Variants in NOX4 observed in about 807,000 individuals in gnomAD.
The protein encoded by NOX4 is kidney oxidase-1.
A neutral mutation model predicts 87.6 loss-of-function variants in NOX4; 69 were observed. The observed-to-expected ratio is 0.79, with a 90% CI of 0.65 to 0.96. NOX4 has a LOEUF of 0.96. Ranked by LOEUF, NOX4 falls within the 40% of genes least tolerant of loss-of-function variation. The probability of loss-of-function intolerance (pLI) is 0.00; values close to 1 mark genes in which losing one functional copy is unlikely to be tolerated. For synonymous variants in NOX4, 275 were observed against 238.2 expected (o/e 1.15, Z -1.42); for missense variants, 680 against 681.5 (o/e 1.00, Z 0.02).
At chr11:89,500,821 A>G (rs141842266), upstream of NOX4, among the ~76,000 whole-genome samples, 1 of 152,258 alleles carries the variant, frequency 6.6e-6, no homozygotes, top group East Asian at 1.9e-4. Context: ...GTTATGAGAA[A>G]TAAACTGCTT....
intron 1 of NOX4, among the ~76,000 whole-genome samples, chr11:89,497,304 A>G (rs1946967429): frequency 6.6e-6 from 1 of 152,196 alleles, no homozygotes; most frequent in African/African-American, 2.4e-5. Flanking sequence ...AAAGTTTTAA[A>G]CAGAAGTGTC....
At chr11:89,493,109 GGGCGC>G (rs1377853055), upstream of NOX4, among the ~76,000 whole-genome samples, 1 of 152,166 alleles carries the variant, frequency 6.6e-6, no homozygotes, top group East Asian at 1.9e-4. Context: ...ACGGACTGCC[GGGCGC>G]GGTGGCTCAC....
intron 8 of NOX4, among the ~76,000 whole-genome samples, chr11:89,407,825 GC>G (rs142060323): frequency 0.092 from 13,988 of 151,968 alleles, 784 homozygotes; most frequent in South Asian, 0.2. Context: ...AAAGGACAAT[GC>G]CAGAATCATC....
the NOX4 span, among the ~76,000 whole-genome samples, chr11:89,542,135 G>T: frequency 6.6e-6 from 1 of 152,116 alleles, no homozygotes. Flanking sequence ...ACACCTCATG[G>T]TTGCTCTTCA....
rs1945194099 is a variant in NOX4 at position 89,325,741 on chromosome 11, C to T, written c.*1015G>A. ...ATCTTATATTCAGTCCCTACTGACA[C>T]ACATGATGTCCTTTGGTCTCAAAGT... is the stretch of plus-strand genomic sequence containing the variant. On this transcript the variant is annotated 3_prime_UTR_variant, in exon 18 of 18. Coordinates refer to ENST00000263317, the MANE Select transcript of NOX4 (RefSeq NM_016931.5). The T allele has an allele frequency of 6.6e-6, 1 of 151,954 alleles. No individual in the cohort carries two copies. Among genetic ancestry groups the T allele is most frequent in the Non-Finnish European group, 1.5e-5 (1 of 67,986 alleles). 9.4% of individuals were successfully genotyped at this position (151,954 alleles called of 1,614,324 possible). A position where few individuals can be genotyped will look rare whatever the true frequency, so the allele number is the denominator to read the frequency against.
chr11:89,467,001 A>G (rs1945723343), intron 2 of NOX4, among the ~76,000 whole-genome samples: 1 of 152,166 alleles, frequency 6.6e-6, no homozygotes, highest in African/African-American at 2.4e-5. Context: ...ATGGAACATA[A>G]AGCTGGAGAA....
intron 12 of NOX4, among the ~76,000 whole-genome samples, chr11:89,363,271 T>G (rs1174185164): frequency 6.6e-6 from 1 of 152,088 alleles, no homozygotes; most frequent in Non-Finnish European, 1.5e-5. Flanking sequence ...ATTTTTGCTC[T>G]GTTACATATA....
chr11:89,578,821 GA>G, the NOX4 span, among the ~76,000 whole-genome samples: 1 of 152,112 alleles, frequency 6.6e-6, no homozygotes, highest in Non-Finnish European at 1.5e-5. Context: ...GTATTTCTTT[GA>G]AAAACTATGC....
chr11:89,405,139 A>C (rs1942099332), intron 8 of NOX4, among the ~76,000 whole-genome samples: 1 of 121,472 alleles, frequency 8.2e-6, no homozygotes, highest in African/African-American at 3.1e-5. Flanking sequence ...CTTATAATTT[A>C]GGGTCTTAAT....
the NOX4 span, among the ~76,000 whole-genome samples, chr11:89,558,417 G>A: frequency 6.6e-6 from 1 of 151,684 alleles, no homozygotes; most frequent in Non-Finnish European, 1.5e-5. Context: ...TTACCATTTG[G>A]CCATGCTTGA....
chr11:89,396,224 C>T (rs180776910), intron 11 of NOX4, among the ~76,000 whole-genome samples: 3 of 152,148 alleles, frequency 2.0e-5, no homozygotes, highest in Admixed American at 2.0e-4. Flanking sequence ...CTTCAGATCC[C>T]TTGTAAGTTG....
chr11:89,563,828 AAT>A, the NOX4 span, among the ~76,000 whole-genome samples: 1 of 152,190 alleles, frequency 6.6e-6, no homozygotes, highest in Non-Finnish European at 1.5e-5. Flanking sequence ...TTTTATTTCT[AAT>A]ATTAAACTTT....
the NOX4 span, among the ~76,000 whole-genome samples, chr11:89,544,237 C>T: frequency 6.6e-6 from 1 of 151,956 alleles, no homozygotes; most frequent in Non-Finnish European, 1.5e-5. Context: ...ATGTTTTTTT[C>T]CTCCAAGAGG....
the NOX4 span, among the ~76,000 whole-genome samples, chr11:89,558,803 T>C: frequency 6.6e-6 from 1 of 152,120 alleles, no homozygotes; most frequent in Non-Finnish European, 1.5e-5. Context: ...TACTACATTC[T>C]AGGAACCTCT....
chr11:89,566,043 CTTTTTTTT>C, the NOX4 span, among the ~76,000 whole-genome samples: 3 of 122,862 alleles, frequency 2.4e-5, no homozygotes, highest in African/African-American at 6.5e-5. Context: ...TTCTTTTTTT[CTTTTTTTT>C]TTTTTTTTTG....
intron 17 of NOX4, among the ~76,000 whole-genome samples, chr11:89,333,755 T>C (rs1945578322): frequency 6.6e-6 from 1 of 151,764 alleles, no homozygotes; most frequent in Admixed American, 6.6e-5. Flanking sequence ...CTTTGTCCAG[T>C]TAATGAGACC....
At chr11:89,457,946 T>C (rs899464587) in intron 2 of NOX4, among the ~76,000 whole-genome samples, 3 of 152,094 alleles carry the variant, frequency 2.0e-5, no homozygotes, top group Admixed American at 6.6e-5. Context: ...TGTTCATAAA[T>C]GGGAAGAATC....
At chr11:89,465,189 G>A (rs1268702816) in intron 2 of NOX4, among the ~76,000 whole-genome samples, 1 of 151,932 alleles carries the variant, frequency 6.6e-6, no homozygotes, top group Non-Finnish European at 1.5e-5. Context: ...CTATGTCCAT[G>A]TGTTCTCATT....
At position 89,402,532 on chromosome 11, in the gene NOX4, T is replaced by G; in HGVS notation, c.640A>C (p.Lys214Gln). ...TGGGTATCTAAATTAGTTTGATACT[T>G]CAGCAGCCCTCTAAAATTACATTTA... ...LTLHVSGGLL[K>Q]YQTNLDTHPP... The change falls in exon 9 of 18, where the codon AAG becomes CAG. Residue 214 changes from lysine (K) to glutamine (Q), a missense_variant. Physicochemically the swap from Lys to Gln is moderately conservative, Grantham distance 53. Transcript: ENST00000263317. 1 of 1,609,190 alleles carries G rather than the reference T, an allele frequency of 6.2e-7. No homozygotes were observed. The highest frequency in any genetic ancestry group is 8.5e-7 in the Non-Finnish European group (1 of 1,176,448).
Sources: allele counts gnomAD v4.1 joint callset (sites outside exome capture counted in the v4.1 genomes callset), GRCh38; gene constraint gnomAD v4.1.1; transcripts MANE v1.5; gene names NCBI Gene and HGNC (gene_info 2026-07-23, HGNC 2026-07-21).